ZNF696: variants seen among roughly 807,000 people sequenced by gnomAD.
ZNF696 encodes zinc finger protein 696.
ZNF696 carries 10 observed loss-of-function variants against 12.3 expected under a neutral mutation model. The observed-to-expected ratio is 0.81, with a 90% CI of 0.50 to 1.38. The LOEUF (loss-of-function observed/expected upper bound fraction) is 1.38. Ranked by LOEUF, ZNF696 falls within the 40% of genes most tolerant of loss-of-function variation. The probability of loss-of-function intolerance (pLI) is 0.00; values close to 1 mark genes in which losing one functional copy is unlikely to be tolerated. For synonymous variants in ZNF696, 304 were observed against 243.9 expected (o/e 1.25, Z -2.29); for missense variants, 675 against 554.7 (o/e 1.22, Z -2.18).
Position 143,298,518 on chromosome 8 carries a change from G to A in ZNF696, c.*1718G>A, listed in dbSNP as rs548600389. On this transcript the variant is annotated 3_prime_UTR_variant, in exon 3 of 3. Coordinates refer to ENST00000330143, the MANE Select transcript of ZNF696 (RefSeq NM_030895.3). The stretch of plus-strand genomic sequence containing the variant: ...ACCTGGCTTAGCCTCATTCCTGCTC[G>A]TAAGTCAGGCATTCAGCTTGCAAAG... 5.9e-5 allele frequency among the ~76,000 whole-genome samples: 9 copies of A among 152,236 alleles called. No homozygotes were observed. In the South Asian group the frequency reaches 1.2e-3, roughly 21 times the overall value.
At position 143,296,731 on chromosome 8, in the gene ZNF696, C is replaced by G; in HGVS notation, c.1056C>G (p.Thr352=). The G allele has an allele frequency of 4.0e-6, 6 of 1,514,588 alleles. No homozygotes were observed. The highest frequency in any genetic ancestry group is 4.4e-6 in the Non-Finnish European group (5 of 1,141,790). The allele number at this position is 1,514,588 out of a possible 1,614,324, so 93.8% of individuals were successfully genotyped here. A position where few individuals can be genotyped will look rare whatever the true frequency, so the allele number is the denominator to read the frequency against. The part of the protein sequence containing the change: ...LHTGEKPFRC[T]ECGRAFRLSF... ...CGGGCGAGAAGCCGTTCCGCTGCAC[C>G]GAGTGCGGCCGCGCCTTCCGCCTGA... Residue 352 remains threonine (T), a synonymous_variant, in exon 3 of 3, where the codon ACC becomes ACG. Transcript: ENST00000330143.
In ZNF696 at chr8:143,297,560, G is replaced by GAATC. The variant is rs891062122; in HGVS notation, c.*762_*765dup. 1.3e-5 allele frequency: 2 copies of GAATC among 152,294 alleles called. No homozygotes were observed. Among genetic ancestry groups the GAATC allele is most frequent in the African/African-American group, 4.8e-5 (2 of 41,470 alleles). The allele number at this position is 152,294 out of a possible 1,614,324, so 9.4% of individuals were successfully genotyped here. On this transcript the variant is annotated 3_prime_UTR_variant, in exon 3 of 3. Coordinates refer to ENST00000330143, the MANE Select transcript of ZNF696 (RefSeq NM_030895.3). ...AGCTACTTGGGAGCCTGGGGCAGGA[G>GAATC]AATCACTTGAACCTGGGAGGCGGAG...
At chr8:143,293,328 T>TTC in intron 2 of ZNF696, 1 of 567,398 alleles carries the variant, frequency 1.8e-6, no homozygotes, top group South Asian at 2.3e-5. Context: ...CTCTCAGTGC[T>TTC]TCTCCACCTT....
Position 143,291,432 on chromosome 8 carries a change from C to T in ZNF696, c.-366C>T, listed in dbSNP as rs993537423. On this transcript the variant is annotated 5_prime_UTR_variant, in exon 1 of 3. Transcript: ENST00000330143. ...GGCGGGGACCGTAGCGGGTGCAGTCCAGCTGCTCTGGACGCTGAGGCCCCG... is the reference window on the plus strand; with the variant it reads ...GGCGGGGACCGTAGCGGGTGCAGTCTAGCTGCTCTGGACGCTGAGGCCCCG... 1 of 985,966 alleles carries T rather than the reference C, an allele frequency of 1.0e-6. No homozygotes were observed. The highest frequency in any genetic ancestry group is 1.2e-6 in the Non-Finnish European group (1 of 830,266). The allele number at this position is 985,966 out of a possible 1,614,324, so 61.1% of individuals were successfully genotyped here. A position where few individuals can be genotyped will look rare whatever the true frequency, so the allele number is the denominator to read the frequency against.
rs139461178 is a variant in ZNF696, at chr8:143,293,399, G to T, written c.64+334G>T. The stretch of plus-strand genomic sequence containing the variant: ...TTGAGGGGCCATCCTGTGTGTTGTA[G>T]GACGTTCGGCAGCACCCTCGCCTCT... On this transcript the variant is annotated intron_variant, in intron 2 of 2. Transcript: ENST00000330143. 2.7e-3 allele frequency: 1,272 copies of T among 466,728 alleles called. 1 individual carries two copies. Among genetic ancestry groups the T allele is most frequent in the Non-Finnish European group, 4.0e-3 (1,056 of 264,992 alleles). The allele number at this position is 466,728 out of a possible 1,614,324, so 28.9% of individuals were successfully genotyped here. A position where few individuals can be genotyped will look rare whatever the true frequency, so the allele number is the denominator to read the frequency against.
At position 143,298,677 on chromosome 8, in the gene ZNF696, T is replaced by C. The variant is rs1278194250; in HGVS notation, c.*1877T>C. On this transcript the variant is annotated 3_prime_UTR_variant, in exon 3 of 3. Transcript: ENST00000330143. ...GAGAGGATAGTTATGTGTGAGGTGT[T>C]CAAAGAAGTCGCGCAGTCAGTGATG... 1.3e-5 allele frequency among the ~76,000 whole-genome samples: 2 copies of C among 152,178 alleles called. No individual in the cohort carries two copies. The highest frequency in any genetic ancestry group is 1.3e-4 in the Admixed American group (2 of 15,278).
rs1674894414 is a variant in ZNF696 at position 143,295,860 on chromosome 8, G to C, written c.185G>C (p.Gly62Ala). The change falls in exon 3 of 3, where the codon GGG (glycine) becomes GCG (alanine). Residue 62 changes from glycine (G) to alanine (A), a missense_variant. By Grantham distance (60) the Gly-to-Ala change is moderately conservative. Coordinates refer to ENST00000330143, the MANE Select transcript of ZNF696 (RefSeq NM_030895.3). ...GCTCCCGAGGGAGAGGGCCACAGAG[G>C]GGGGCCTCCCCGGGCGTTGGGGTCT... Reference protein sequence around the residue: ...AGAPEGEGHRGGPPRALGSLG... With the variant: ...AGAPEGEGHRAGPPRALGSLG... 2 of 1,576,802 alleles carry C rather than the reference G, an allele frequency of 1.3e-6. No homozygotes were observed. Among genetic ancestry groups the C allele is most frequent in the Non-Finnish European group, 1.7e-6 (2 of 1,160,422 alleles).
chr8:143,292,110 A>G (rs962614277), intron 1 of ZNF696: 2 of 152,084 alleles, frequency 1.3e-5, no homozygotes, highest in African/African-American at 4.8e-5. Flanking sequence ...GACGCCCACC[A>G]TCACACCTGG....
At position 143,296,698 on chromosome 8, in the gene ZNF696, A is replaced by G. The variant is rs7386259; in HGVS notation, c.1023A>G (p.Arg341=). 0.85 allele frequency: 1,326,319 copies of G among 1,561,968 alleles called. 564,053 individuals carry two copies. Among genetic ancestry groups the G allele is most frequent in the African/African-American group, 0.93 (68,129 of 72,970 alleles). The change falls in exon 3 of 3, where the codon CGA becomes CGG. Residue 341 remains arginine, a synonymous_variant. Transcript: ENST00000330143. ...RALSGFFRHQ[R]LHTGEKPFRC... is the part of the protein sequence containing the mutation. ...TGTCGGGCTTCTTCCGGCACCAGCG[A>G]CTCCACACGGGCGAGAAGCCGTTCC...
Position 143,297,646 on chromosome 8 carries a change from C to G in ZNF696, c.*846C>G, listed in dbSNP as rs557946701. On this transcript the variant is annotated 3_prime_UTR_variant, in exon 3 of 3. Coordinates refer to ENST00000330143, the MANE Select transcript of ZNF696 (RefSeq NM_030895.3). ...GCCTGGGCGACAGAGAGACCCATCT[C>G]AAAAAAAAAATTGGAACCTGAGAAG... is the stretch of plus-strand genomic sequence containing the variant. 1 of 149,658 alleles carries G rather than the reference C, an allele frequency of 6.7e-6. No homozygotes were observed. Among genetic ancestry groups the G allele is most frequent in the East Asian group, 2.0e-4 (1 of 5,124 alleles). 9.3% of individuals were successfully genotyped at this position (149,658 alleles called of 1,614,324 possible). A position where few individuals can be genotyped will look rare whatever the true frequency, so the allele number is the denominator to read the frequency against.
rs1202138685 is a variant in ZNF696, at chr8:143,296,867, C to G, written c.*67C>G. 8 of 1,312,270 alleles carry G rather than the reference C, an allele frequency of 6.1e-6. No individual in the cohort carries two copies. The highest frequency in any genetic ancestry group is 7.8e-6 in the Non-Finnish European group (8 of 1,022,054). The allele number at this position is 1,312,270 out of a possible 1,614,324, so 81.3% of individuals were successfully genotyped here. On this transcript the variant is annotated 3_prime_UTR_variant, in exon 3 of 3. Transcript: ENST00000330143. ...GCGAGGCCGAGGCCGGGGGAGGCTC[C>G]TGTCCGCCCCGTGCGCGGTGAGGAA...
chr8:143,293,701 CAT>C (rs1563743715), intron 2 of ZNF696, among the ~76,000 whole-genome samples: 3 of 152,200 alleles, frequency 2.0e-5, no homozygotes, highest in Non-Finnish European at 4.4e-5. Context: ...CCCTTCTCAC[CAT>C]AGTCTTGGTT....
chr8:143,295,446 A>G, intron 2 of ZNF696: 1 of 650,824 alleles, frequency 1.5e-6, no homozygotes. Flanking sequence ...CTCCTGCCTC[A>G]GCCTCTGAAA....
rs1420718952 is a variant in ZNF696 at position 143,299,483 on chromosome 8, T to C, written c.*2683T>C. 1.3e-5 allele frequency among the ~76,000 whole-genome samples: 2 copies of C among 151,560 alleles called. No homozygotes were observed. The highest frequency in any genetic ancestry group is 2.9e-5 in the Non-Finnish European group (2 of 68,044). On this transcript the variant is annotated 3_prime_UTR_variant, in exon 3 of 3. Coordinates refer to ENST00000330143, the MANE Select transcript of ZNF696 (RefSeq NM_030895.3). ...CAATAAAAAGAATAAAACACTGTGA[T>C]TTAAAATGTAGTCCCAGCTGCTTGG...
intron 2 of ZNF696, among the ~76,000 whole-genome samples, chr8:143,294,989 G>A (rs1187824655): frequency 6.6e-6 from 1 of 152,178 alleles, no homozygotes; most frequent in Non-Finnish European, 1.5e-5. Context: ...CTACTTGGGA[G>A]GCGGAGGGAG....
rs1815758387 is a variant in ZNF696 at position 143,298,734 on chromosome 8, G to C, written c.*1934G>C. Among the ~76,000 whole-genome samples the C allele has an allele frequency of 6.6e-6, 1 of 152,216 alleles. No homozygotes were observed. The highest frequency in any genetic ancestry group is 1.5e-5 in the Non-Finnish European group (1 of 68,046). On this transcript the variant is annotated 3_prime_UTR_variant, in exon 3 of 3. Coordinates refer to ENST00000330143, the MANE Select transcript of ZNF696 (RefSeq NM_030895.3). ...CTGTAGGGTACATACTGTCACGCATGAATAGGCAGGACTCCTTAAAGAACT... is the reference window on the plus strand; with the variant it reads ...CTGTAGGGTACATACTGTCACGCATCAATAGGCAGGACTCCTTAAAGAACT...
At chr8:143,294,483 T>C (rs1482134470) in intron 2 of ZNF696, among the ~76,000 whole-genome samples, 2 of 151,802 alleles carry the variant, frequency 1.3e-5, no homozygotes, top group Admixed American at 1.3e-4. Context: ...TGGATTCAAG[T>C]GATTCTTCTG....
At position 143,291,630 on chromosome 8, in the gene ZNF696, C is replaced by A. The variant is rs1194401594; in HGVS notation, c.-168C>A. On this transcript the variant is annotated 5_prime_UTR_variant, in exon 1 of 3. Coordinates refer to ENST00000330143, the MANE Select transcript of ZNF696 (RefSeq NM_030895.3). The stretch of plus-strand genomic sequence containing the variant: ...CTGCAGGTGCGTACCCGGGGTCCGA[C>A]ACGTGCGGGGCTTCCTGCGAGCTGA... The A allele has an allele frequency of 1.0e-6, 1 of 985,356 alleles. No homozygotes were observed. The highest frequency in any genetic ancestry group is 1.2e-6 in the Non-Finnish European group (1 of 829,952). 61.0% of individuals were successfully genotyped at this position (985,356 alleles called of 1,614,324 possible).
rs1815764456 is a variant in ZNF696 at position 143,299,195 on chromosome 8, G to C, written c.*2395G>C. Reference sequence around the variant, plus strand: ...ATAAATAAAGGAAAATGAGCCGAGTGATGGTCTTAGATATAAGATGGAATG... The same window carrying C: ...ATAAATAAAGGAAAATGAGCCGAGTCATGGTCTTAGATATAAGATGGAATG... On this transcript the variant is annotated 3_prime_UTR_variant, in exon 3 of 3. Transcript: ENST00000330143. 6.6e-6 allele frequency among the ~76,000 whole-genome samples: 1 copy of C among 152,042 alleles called. No individual in the cohort carries two copies. Among genetic ancestry groups the C allele is most frequent in the Admixed American group, 6.6e-5 (1 of 15,240 alleles).
Sources: gnomAD v4.1 joint callset for allele counts (sites outside exome capture counted in the v4.1 genomes callset) on GRCh38, gnomAD v4.1.1 for gene constraint, MANE v1.5 for transcripts, NCBI Gene and HGNC (gene_info 2026-07-23, HGNC 2026-07-21) for gene names.